Variants in ADGRB3 observed in about 807,000 individuals in gnomAD.
ADGRB3 encodes brain-specific angiogenesis inhibitor 3.
In ADGRB3, 37 loss-of-function variants were observed where a neutral mutation model predicts 193.4. The ratio of observed to expected loss-of-function variants is 0.19; its 90% CI spans 0.15 to 0.25. The LOEUF (loss-of-function observed/expected upper bound fraction) is 0.25, where lower values mean the gene tolerates loss of function less well. Ranked by LOEUF, ADGRB3 falls within the 10% of genes least tolerant of loss-of-function variation. The pLI is 1.00. For missense variants in ADGRB3, 1,637 were observed against 1,852.9 expected (o/e 0.88, Z 2.14); for synonymous variants, 690 against 644.2 (o/e 1.07, Z -1.08).
chr6:68,999,287 T>C (rs1000901118), intron 11 of ADGRB3, among the ~76,000 whole-genome samples: 3 of 146,020 alleles, frequency 2.1e-5, no homozygotes, highest in African/African-American at 7.6e-5. Flanking sequence ...TTTTTTGAGA[T>C]GGAGTCTCGC....
intron 17 of ADGRB3, among the ~76,000 whole-genome samples, chr6:69,100,370 CAT>C (rs554367465): frequency 1.1e-3 from 166 of 152,110 alleles, no homozygotes; most frequent in African/African-American, 3.9e-3. Flanking sequence ...AATCAAAAAA[CAT>C]ATGTTCCAAT....
intron 3 of ADGRB3, among the ~76,000 whole-genome samples, chr6:68,769,302 A>G (rs907610689): frequency 5.3e-5 from 8 of 152,246 alleles, no homozygotes; most frequent in Non-Finnish European, 8.8e-5. Flanking sequence ...ATGCCCATCA[A>G]TGATAGACTG....
At chr6:68,729,343 A>G (rs1765729181) in intron 3 of ADGRB3, among the ~76,000 whole-genome samples, 1 of 151,654 alleles carries the variant, frequency 6.6e-6, no homozygotes. Context: ...AATCCTGGAC[A>G]TAAAATTCTT....
intron 20 of ADGRB3, among the ~76,000 whole-genome samples, chr6:69,303,297 A>T (rs142790171): frequency 6.6e-6 from 1 of 151,964 alleles, no homozygotes; most frequent in Non-Finnish European, 1.5e-5. Flanking sequence ...AAAGCGAAAA[A>T]AATCAGACAG....
intron 3 of ADGRB3, among the ~76,000 whole-genome samples, chr6:68,778,695 G>A (rs1202595041): frequency 2.0e-5 from 3 of 152,034 alleles, no homozygotes; most frequent in East Asian, 1.9e-4. Context: ...GCCAACCTGC[G>A]TGTTTGTCAG....
chr6:68,738,848 T>TGGG (rs1765923306), intron 3 of ADGRB3, among the ~76,000 whole-genome samples: 2 of 152,198 alleles, frequency 1.3e-5, no homozygotes, highest in Non-Finnish European at 2.9e-5. Flanking sequence ...CAGTGGATAT[T>TGGG]TACAGTTACA....
At chr6:69,339,192 A>T (rs1473059875) in intron 25 of ADGRB3, 141 bp from the exon 26 acceptor site, 1 of 1,158,638 alleles carries the variant, frequency 8.6e-7, no homozygotes, top group Non-Finnish European at 1.2e-6. Context: ...AAAAAATAAG[A>T]CTCTCAAATG....
chr6:68,999,221 C>T (rs1206572426), intron 11 of ADGRB3, among the ~76,000 whole-genome samples: 1 of 151,892 alleles, frequency 6.6e-6, no homozygotes, highest in Non-Finnish European at 1.5e-5. Context: ...ACTGTCATAA[C>T]TCCAAGACTA....
chr6:69,101,452 G>T (rs1481132517), intron 17 of ADGRB3, among the ~76,000 whole-genome samples: 1 of 151,654 alleles, frequency 6.6e-6, no homozygotes, highest in Non-Finnish European at 1.5e-5. Flanking sequence ...GTGTGTGTGT[G>T]TGTGTGTGTA....
intron 11 of ADGRB3, among the ~76,000 whole-genome samples, chr6:69,004,526 T>C (rs1769685264): frequency 6.6e-6 from 1 of 151,772 alleles, no homozygotes; most frequent in Non-Finnish European, 1.5e-5. Context: ...AACTAGTCAT[T>C]TACATTAGGT....
intron 20 of ADGRB3, among the ~76,000 whole-genome samples, chr6:69,293,455 A>G (rs1472019363): frequency 6.6e-6 from 1 of 152,196 alleles, no homozygotes. Flanking sequence ...AAGTGCTTCC[A>G]ATTTCACAAC....
chr6:69,333,139 C>A (rs896911446), intron 24 of ADGRB3, 131 bp downstream of exon 24: 1 of 1,021,450 alleles, frequency 9.8e-7, no homozygotes, highest in African/African-American at 1.6e-5. Context: ...CCAGTAGATT[C>A]TGCTATATAA....
At chr6:68,798,588 C>T (rs1767256137) in intron 3 of ADGRB3, among the ~76,000 whole-genome samples, 1 of 152,038 alleles carries the variant, frequency 6.6e-6, no homozygotes, top group Admixed American at 6.6e-5. Context: ...ATGTAGGTGA[C>T]AGGTTGATGG....
intron 3 of ADGRB3, among the ~76,000 whole-genome samples, chr6:68,801,310 C>T (rs1582212905): frequency 6.6e-6 from 1 of 152,290 alleles, no homozygotes; most frequent in Non-Finnish European, 1.5e-5. Flanking sequence ...GGATTACAGC[C>T]TCTTTTTCAA....
chr6:69,129,316 T>A (rs1452823605), intron 17 of ADGRB3, among the ~76,000 whole-genome samples: 26 of 152,090 alleles, frequency 1.7e-4, no homozygotes, highest in Admixed American at 1.7e-3. Context: ...ACTGGAGCTT[T>A]TTAAAATTGC....
At chr6:68,786,919 G>T (rs1376444600) in intron 3 of ADGRB3, among the ~76,000 whole-genome samples, 2 of 151,776 alleles carry the variant, frequency 1.3e-5, no homozygotes. Context: ...TGAGGCAATT[G>T]TGAATGGGCG....
chr6:68,778,411 C>T (rs1472060036), intron 3 of ADGRB3, among the ~76,000 whole-genome samples: 5 of 152,092 alleles, frequency 3.3e-5, no homozygotes, highest in African/African-American at 1.2e-4. Context: ...GTCATGCCCA[C>T]TTTCCAAATG....
intron 3 of ADGRB3, among the ~76,000 whole-genome samples, chr6:68,892,324 C>A (rs1390360203): frequency 6.6e-6 from 1 of 152,136 alleles, no homozygotes; most frequent in Admixed American, 6.5e-5. Flanking sequence ...CCATCTGAAG[C>A]CCTAGCCACA....
At chr6:68,644,678 A>T (rs912801616) in intron 3 of ADGRB3, among the ~76,000 whole-genome samples, 2 of 152,228 alleles carry the variant, frequency 1.3e-5, no homozygotes, top group African/African-American at 4.8e-5. Flanking sequence ...CAAGTATAAC[A>T]AAATGCCACA....
Sources: allele counts gnomAD v4.1 joint callset (sites outside exome capture counted in the v4.1 genomes callset), GRCh38; gene constraint gnomAD v4.1.1; transcripts MANE v1.5; gene names NCBI Gene and HGNC (gene_info 2026-07-23, HGNC 2026-07-21).